Variants in SHTN1 observed in about 807,000 individuals in gnomAD.
SHTN1 encodes the protein shootin-1.
In SHTN1, 42 loss-of-function variants were observed where a neutral mutation model predicts 83.1. The observed-to-expected ratio is 0.51, with a 90% CI of 0.39 to 0.65. The LOEUF (loss-of-function observed/expected upper bound fraction) is 0.65, where lower values mean the gene tolerates loss of function less well. SHTN1 is among the 30% of genes least tolerant of loss of function. The pLI is 0.00. For synonymous variants in SHTN1, 224 were observed against 247.7 expected (o/e 0.90, Z 0.90); for missense variants, 622 against 737.8 (o/e 0.84, Z 1.82).
chr10:116,951,337 C>T (rs1420198400), intron 6 of SHTN1, among the ~76,000 whole-genome samples: 2 of 152,166 alleles, frequency 1.3e-5, no homozygotes, highest in Admixed American at 1.3e-4. Flanking sequence ...GCAGGAGGAT[C>T]ATTTGAGCCT....
intron 2 of SHTN1, among the ~76,000 whole-genome samples, chr10:117,044,378 T>G (rs1487427625): frequency 6.6e-6 from 1 of 152,180 alleles, no homozygotes; most frequent in African/African-American, 2.4e-5. Context: ...GTATGTACAT[T>G]ACTTACATAC....
chr10:116,937,950 G>A (rs1196749204), intron 9 of SHTN1, among the ~76,000 whole-genome samples: 2 of 150,998 alleles, frequency 1.3e-5, no homozygotes, highest in South Asian at 2.1e-4. Context: ...CTGCTTGATC[G>A]ATTCGGCTAT....
intron 1 of SHTN1, among the ~76,000 whole-genome samples, 183 bp from the exon 2 acceptor site, chr10:116,979,491 T>G (rs1335181169): frequency 6.6e-6 from 1 of 152,198 alleles, no homozygotes; most frequent in East Asian, 1.9e-4. Context: ...CTCACTCTGT[T>G]GCCCAGGCTG....
At chr10:117,041,903 A>G in intron 2 of SHTN1, among the ~76,000 whole-genome samples, 1 of 152,216 alleles carries the variant, frequency 6.6e-6, no homozygotes, top group Admixed American at 6.5e-5. Flanking sequence ...CAACAGAATG[A>G]TATTCCCAAT....
intron 1 of SHTN1, among the ~76,000 whole-genome samples, chr10:116,981,716 T>C (rs1851025743): frequency 6.6e-6 from 1 of 152,206 alleles, no homozygotes; most frequent in South Asian, 2.1e-4. Flanking sequence ...TGTTCTATAA[T>C]TGGTGACCTA....
chr10:117,091,907 C>T (rs528388231), intron 1 of SHTN1, among the ~76,000 whole-genome samples: 1 of 152,218 alleles, frequency 6.6e-6, no homozygotes, highest in African/African-American at 2.4e-5. Context: ...TGCCTGTATC[C>T]TCCAGTTGAG....
At chr10:117,063,254 G>C (rs894155862) in intron 1 of SHTN1, among the ~76,000 whole-genome samples, 1 of 152,104 alleles carries the variant, frequency 6.6e-6, no homozygotes, top group African/African-American at 2.4e-5. Context: ...TTGGCAGGAG[G>C]GTAAAAGGCA....
At chr10:116,952,904 T>C (rs540768060) in intron 5 of SHTN1, among the ~76,000 whole-genome samples, 83 of 152,314 alleles carry the variant, frequency 5.4e-4, no homozygotes, top group Non-Finnish European at 9.9e-4. Context: ...CTTTCTCCAT[T>C]TGCTGGCTAA....
intron 1 of SHTN1, among the ~76,000 whole-genome samples, chr10:116,997,969 G>A (rs371760698): frequency 1.9e-4 from 29 of 152,292 alleles, no homozygotes; most frequent in Middle Eastern, 3.4e-3. Context: ...GCGGGCGCCT[G>A]TAGTCCCAGC....
At chr10:117,081,248 C>T (rs374930352) in intron 1 of SHTN1, among the ~76,000 whole-genome samples, 2 of 151,794 alleles carry the variant, frequency 1.3e-5, no homozygotes, top group African/African-American at 4.8e-5. Flanking sequence ...GCATGAAAGG[C>T]TGTTGAATTT....
At chr10:116,986,645 G>A (rs1180703619) in intron 1 of SHTN1, among the ~76,000 whole-genome samples, 2 of 151,868 alleles carry the variant, frequency 1.3e-5, no homozygotes, top group Non-Finnish European at 2.9e-5. Context: ...ACTTTGGGAG[G>A]CCAAGGCAGG....
At chr10:116,899,872 GA>G (rs1262697494) in intron 16 of SHTN1, among the ~76,000 whole-genome samples, 2 of 152,176 alleles carry the variant, frequency 1.3e-5, no homozygotes, top group Non-Finnish European at 2.9e-5. Flanking sequence ...ACACAGCACT[GA>G]AAATAACCCT....
At chr10:116,941,246 T>C (rs1215696499) in intron 8 of SHTN1, among the ~76,000 whole-genome samples, 1 of 152,234 alleles carries the variant, frequency 6.6e-6, no homozygotes, top group African/African-American at 2.4e-5. Flanking sequence ...TAAGTTCCTC[T>C]ACTATTTGCT....
intron 2 of SHTN1, among the ~76,000 whole-genome samples, chr10:116,970,945 AT>A (rs568342825): frequency 2.9e-4 from 44 of 152,142 alleles, no homozygotes; most frequent in Non-Finnish European, 5.6e-4. Context: ...TTTCAGTTGT[AT>A]TTGCTGCATT....
intron 14 of SHTN1, among the ~76,000 whole-genome samples, chr10:116,910,420 A>G (rs1848145370): frequency 6.6e-6 from 1 of 152,212 alleles, no homozygotes; most frequent in Non-Finnish European, 1.5e-5. Flanking sequence ...ATTATTTCAC[A>G]AATTTCTCTC....
Position 116,901,426 on chromosome 10 carries a change from C to T in SHTN1, c.1673+339G>A, listed in dbSNP as rs973428707. On this transcript the variant is annotated intron_variant, in intron 16 of 16. Coordinates refer to ENST00000355371, the MANE Select transcript of SHTN1 (RefSeq NM_001127211.3). Reference sequence around the variant, plus strand: ...GTATCTTCTTGGGCTGCTCATGAACCATTAAGAGGGATGATCGATGTATTT... The same window carrying T: ...GTATCTTCTTGGGCTGCTCATGAACTATTAAGAGGGATGATCGATGTATTT... 3.8e-5 allele frequency: 37 copies of T among 985,166 alleles called. No individual in the cohort carries two copies. The African/African-American group carries it at 4.9e-4, about 13-fold the overall frequency. The allele number at this position is 985,166 out of a possible 1,614,324, so 61.0% of individuals were successfully genotyped here.
intron 1 of SHTN1, among the ~76,000 whole-genome samples, chr10:117,081,058 C>G (rs77146524): frequency 1.3e-5 from 2 of 151,978 alleles, no homozygotes; most frequent in Non-Finnish European, 2.9e-5. Flanking sequence ...CTGGCCAGAA[C>G]TTCCAACACT....
At chr10:116,993,368 C>T (rs1459680506) in intron 1 of SHTN1, among the ~76,000 whole-genome samples, 3 of 152,036 alleles carry the variant, frequency 2.0e-5, no homozygotes, top group Non-Finnish European at 4.4e-5. Context: ...GTATAAAATG[C>T]TTTGAAGAAA....
intron 3 of SHTN1, among the ~76,000 whole-genome samples, chr10:116,961,707 T>C (rs752084199): frequency 6.6e-6 from 1 of 152,126 alleles, no homozygotes; most frequent in East Asian, 1.9e-4. Flanking sequence ...CTGGTAGACA[T>C]TGTAAATAAA....
Sources: allele counts gnomAD v4.1 joint callset (sites outside exome capture counted in the v4.1 genomes callset), GRCh38; gene constraint gnomAD v4.1.1; transcripts MANE v1.5; gene names NCBI Gene and HGNC (gene_info 2026-07-23, HGNC 2026-07-21).